The following AP3B1 variants were observed in gnomAD, a reference collection of about 807,000 sequenced individuals.
The protein encoded by AP3B1 is AP-3 complex subunit beta-1.
In AP3B1, 61 loss-of-function variants were observed where a neutral mutation model predicts 132.5. The observed-to-expected ratio is 0.46, with a 90% CI of 0.37 to 0.57. AP3B1 has a LOEUF of 0.57. Ranked by LOEUF, AP3B1 falls within the 20% of genes least tolerant of loss-of-function variation. AP3B1 has a pLI of 0.00. For missense variants in AP3B1, 1,120 were observed against 1,289.4 expected (o/e 0.87, Z 2.01); for synonymous variants, 388 against 438.3 (o/e 0.89, Z 1.43).
At chr5:78,065,091 A>T (rs957305580) in intron 22 of AP3B1, among the ~76,000 whole-genome samples, 1 of 152,192 alleles carries the variant, frequency 6.6e-6, no homozygotes, top group Admixed American at 6.5e-5. Flanking sequence ...CAGGAGCCAC[A>T]TGGGGCAAGA....
chr5:78,033,038 G>A (rs1027464311), intron 24 of AP3B1, among the ~76,000 whole-genome samples: 1 of 152,128 alleles, frequency 6.6e-6, no homozygotes, highest in Middle Eastern at 3.4e-3. Flanking sequence ...AATTACATAG[G>A]AATCAAAAGG....
chr5:78,079,926 CAT>C (rs1216044607), intron 22 of AP3B1, among the ~76,000 whole-genome samples: 1 of 152,218 alleles, frequency 6.6e-6, no homozygotes, highest in Non-Finnish European at 1.5e-5. Flanking sequence ...ACATTTTCCA[CAT>C]ATGTATGCAT....
intron 5 of AP3B1, among the ~76,000 whole-genome samples, chr5:78,225,921 C>T (rs1746381116): frequency 6.6e-6 from 1 of 151,936 alleles, no homozygotes; most frequent in African/African-American, 2.4e-5. Flanking sequence ...AAACCACAAA[C>T]TCTTTTCAAC....
chr5:78,116,202 C>T lies in AP3B1; in HGVS notation c.2001G>A (p.Lys667=), dbSNP rs1295376341. ...AKEWTPAGKA[K]QENSAKKFYS... ...AAAACTTCTTAGCAGAATTCTCTTG[C>T]TTTGCTTTTCCTGCTGGGGTCCATT... Residue 667 remains lysine, a synonymous_variant, in exon 18 of 27, where the codon AAG becomes AAA. Coordinates refer to ENST00000255194, the MANE Select transcript of AP3B1 (RefSeq NM_003664.5). 6.2e-7 allele frequency: 1 copy of T among 1,613,620 alleles called. No homozygotes were observed. Among genetic ancestry groups the T allele is most frequent in the Admixed American group, 1.7e-5 (1 of 60,002 alleles).
intron 7 of AP3B1, among the ~76,000 whole-genome samples, chr5:78,203,572 A>G (rs1043691005): frequency 6.6e-6 from 1 of 152,206 alleles, no homozygotes; most frequent in African/African-American, 2.4e-5. Flanking sequence ...GTGTGCATTC[A>G]GAATTTCTCC....
chr5:78,210,960 T>C (rs1364281336), intron 7 of AP3B1, among the ~76,000 whole-genome samples: 1 of 152,142 alleles, frequency 6.6e-6, no homozygotes, highest in Non-Finnish European at 1.5e-5. Context: ...TTTTATATCC[T>C]TGAAAATTAT....
chr5:78,202,227 G>C (rs1280845768), intron 7 of AP3B1, among the ~76,000 whole-genome samples: 1 of 152,174 alleles, frequency 6.6e-6, no homozygotes, highest in African/African-American at 2.4e-5. Flanking sequence ...ACGTAGAACT[G>C]TAAGTCCAAT....
At chr5:78,213,354 T>C (rs1745828131) in intron 7 of AP3B1, among the ~76,000 whole-genome samples, 1 of 152,214 alleles carries the variant, frequency 6.6e-6, no homozygotes, top group Non-Finnish European at 1.5e-5. Context: ...ATGGGTTAAC[T>C]GGAAGAGTGA....
chr5:78,071,992 G>A (rs1027423995), intron 22 of AP3B1, among the ~76,000 whole-genome samples: 1 of 152,084 alleles, frequency 6.6e-6, no homozygotes, highest in Non-Finnish European at 1.5e-5. Context: ...ATTTTGTCAG[G>A]TCACATATTC....
chr5:78,204,019 T>A (rs1189461724), intron 7 of AP3B1, among the ~76,000 whole-genome samples: 1 of 152,206 alleles, frequency 6.6e-6, no homozygotes, highest in Admixed American at 6.5e-5. Flanking sequence ...TGTTTCAGCA[T>A]ATTTAACATG....
At chr5:78,225,317 C>G (rs1388653914) in intron 6 of AP3B1, among the ~76,000 whole-genome samples, 1 of 151,994 alleles carries the variant, frequency 6.6e-6, no homozygotes, top group East Asian at 1.9e-4. Flanking sequence ...TCTCAACTTG[C>G]CTTTTTTCAG....
chr5:78,061,370 T>C (rs947631439), intron 22 of AP3B1, among the ~76,000 whole-genome samples: 2 of 152,166 alleles, frequency 1.3e-5, no homozygotes. Context: ...ACTTGGTGAG[T>C]GGTATGTCTA....
chr5:78,122,167 C>G (rs1316785798), intron 17 of AP3B1, among the ~76,000 whole-genome samples: 1 of 152,160 alleles, frequency 6.6e-6, no homozygotes. Context: ...TAAAAACTCT[C>G]AATAAATTAG....
intron 7 of AP3B1, among the ~76,000 whole-genome samples, chr5:78,203,523 A>G (rs945270876): frequency 6.6e-6 from 1 of 152,124 alleles, no homozygotes; most frequent in Non-Finnish European, 1.5e-5. Flanking sequence ...AAGGTGAGAT[A>G]TGGGGGGGAC....
At chr5:78,232,629 C>G (rs895954636) in intron 3 of AP3B1, among the ~76,000 whole-genome samples, 6 of 152,224 alleles carry the variant, frequency 3.9e-5, no homozygotes, top group Admixed American at 1.3e-4. Context: ...TTTCAGATAT[C>G]ATCCTTCAAT....
intron 7 of AP3B1, among the ~76,000 whole-genome samples, chr5:78,189,662 G>C (rs184604152): frequency 6.6e-6 from 1 of 151,858 alleles, no homozygotes; most frequent in African/African-American, 2.4e-5. Flanking sequence ...CTGAGGTCAC[G>C]AGTTCAAGAC....
intron 7 of AP3B1, among the ~76,000 whole-genome samples, chr5:78,185,395 C>A (rs1744562662): frequency 6.6e-6 from 1 of 152,010 alleles, no homozygotes; most frequent in Non-Finnish European, 1.5e-5. Context: ...GTTCTAAATG[C>A]ATGTAAAGGA....
intron 17 of AP3B1, among the ~76,000 whole-genome samples, chr5:78,126,504 C>CAAAAAA (rs70997969): frequency 9.6e-5 from 6 of 62,394 alleles, no homozygotes; most frequent in African/African-American, 3.9e-4. Flanking sequence ...GACTCTGTCT[C>CAAAAAA]AAAAAAAAAA....
chr5:78,277,939 A>G (rs1488838319), intron 1 of AP3B1, among the ~76,000 whole-genome samples: 1 of 152,152 alleles, frequency 6.6e-6, no homozygotes, highest in Non-Finnish European at 1.5e-5. Context: ...CATATTTGCC[A>G]TGATCTTTAT....
Sources: gnomAD v4.1 joint callset for allele counts (sites outside exome capture counted in the v4.1 genomes callset) on GRCh38, gnomAD v4.1.1 for gene constraint, MANE v1.5 for transcripts, NCBI Gene and HGNC (gene_info 2026-07-23, HGNC 2026-07-21) for gene names.